CSMD1: variants seen among roughly 807,000 people sequenced by gnomAD.
CSMD1 encodes the protein CUB and Sushi multiple domains 1, also known as CUB and sushi domain-containing protein 1.
In CSMD1, 213 loss-of-function variants were observed where a neutral mutation model predicts 417.5. That is an observed-to-expected ratio of 0.51 (90% CI 0.46 to 0.57). The LOEUF (loss-of-function observed/expected upper bound fraction) is 0.57. Among genes scored for constraint, CSMD1 ranks in the 20% least tolerant of loss-of-function variants. CSMD1 has a pLI of 0.00. For missense variants in CSMD1, 6,923 were observed against 4,529.7 expected, an observed-to-expected ratio of 1.53 and a Z score of -15.17; for synonymous variants, 2,862 against 1,736.8, an observed-to-expected ratio of 1.65 and a Z score of -16.11.
At chr8:3,222,479 T>A (rs1798273808) in intron 28 of CSMD1, among the ~76,000 whole-genome samples, 1 of 152,028 alleles carries the variant, frequency 6.6e-6, no homozygotes, top group East Asian at 1.9e-4. Flanking sequence ...CAAGCCAATT[T>A]TTAAAATTTT....
At chr8:3,880,472 G>A (rs983441584) in intron 5 of CSMD1, among the ~76,000 whole-genome samples, 3 of 152,096 alleles carry the variant, frequency 2.0e-5, no homozygotes, top group East Asian at 1.9e-4. Flanking sequence ...ATATCTCGCT[G>A]CTTCACTTTA....
chr8:3,150,917 A>C (rs1819155871), intron 40 of CSMD1, among the ~76,000 whole-genome samples: 1 of 152,230 alleles, frequency 6.6e-6, no homozygotes, highest in Non-Finnish European at 1.5e-5. Flanking sequence ...ATATTAAAAA[A>C]ACAACTTATT....
At chr8:3,136,716 G>C (rs1042323663) in intron 41 of CSMD1, among the ~76,000 whole-genome samples, 1 of 152,132 alleles carries the variant, frequency 6.6e-6, no homozygotes. Context: ...CAGTGCCTGA[G>C]GTAATCCTTG....
At chr8:3,209,291 GTTTA>G (rs34211015) in intron 30 of CSMD1, among the ~76,000 whole-genome samples, 121,068 of 150,084 alleles carry the variant, frequency 0.81, 48,968 homozygotes, top group African/African-American at 0.85. Flanking sequence ...TTGTTTGTTT[GTTTA>G]TTTATTTATT....
intron 1 of CSMD1, among the ~76,000 whole-genome samples, chr8:4,808,346 A>G (rs182491416): frequency 1.8e-4 from 28 of 152,318 alleles, no homozygotes; most frequent in African/African-American, 6.3e-4. Flanking sequence ...CCTTCCTGCG[A>G]CAATCATTGG....
At chr8:3,396,546 G>A (rs1257385306) in intron 16 of CSMD1, among the ~76,000 whole-genome samples, 165 bp from the exon 17 acceptor site, 1 of 152,154 alleles carries the variant, frequency 6.6e-6, no homozygotes, top group African/African-American at 2.4e-5. Flanking sequence ...AGGATAGTAT[G>A]TTCTTTTCTT....
intron 30 of CSMD1, 120 bp downstream of exon 30, chr8:3,214,377 T>A: frequency 2.4e-6 from 2 of 831,736 alleles, no homozygotes; most frequent in Non-Finnish European, 3.7e-6. Context: ...ACTAGCTCTC[T>A]AAGCAATCCT....
At chr8:4,534,892 A>G (rs993971551) in intron 2 of CSMD1, among the ~76,000 whole-genome samples, 1 of 151,884 alleles carries the variant, frequency 6.6e-6, no homozygotes, top group African/African-American at 2.4e-5. Flanking sequence ...CCTCCCAAGT[A>G]GCTGGGACTA....
At chr8:4,595,199 G>A (rs1585304807) in intron 2 of CSMD1, among the ~76,000 whole-genome samples, 1 of 152,022 alleles carries the variant, frequency 6.6e-6, no homozygotes, top group South Asian at 2.1e-4. Flanking sequence ...ATCCTAAAAT[G>A]TAGACACGTA....
At chr8:3,870,699 T>C (rs1269956819) in intron 5 of CSMD1, among the ~76,000 whole-genome samples, 3 of 152,166 alleles carry the variant, frequency 2.0e-5, no homozygotes, top group African/African-American at 7.2e-5. Context: ...TATTATCTGA[T>C]TTATATTCAT....
At chr8:3,671,905 G>C (rs543078706) in intron 7 of CSMD1, among the ~76,000 whole-genome samples, 1 of 152,066 alleles carries the variant, frequency 6.6e-6, no homozygotes, top group African/African-American at 2.4e-5. Context: ...CATTTCCTCT[G>C]TCCTGTGTCG....
At chr8:4,641,506 C>T (rs1803186019) in intron 1 of CSMD1, among the ~76,000 whole-genome samples, 1 of 152,122 alleles carries the variant, frequency 6.6e-6, no homozygotes, top group African/African-American at 2.4e-5. Context: ...CACATATACT[C>T]TTTGTTGACC....
rs1811645384 is a variant in CSMD1 at position 4,994,386 on chromosome 8, G to A, written c.31C>T (p.Leu11Phe). The A allele has an allele frequency of 1.2e-6, 2 of 1,612,354 alleles. No individual in the cohort carries two copies. Among genetic ancestry groups the A allele is most frequent in the South Asian group, 1.1e-5 (1 of 91,086 alleles). The change falls in exon 1 of 70, where the codon CTC becomes TTC. Residue 11 changes from leucine (L) to phenylalanine (F), a missense_variant. Coordinates refer to ENST00000635120, the MANE Select transcript of CSMD1 (RefSeq NM_033225.6). ...AGCACCAGCAGCCCGAGAAGCAGGA[G>A]CAGCGACTGGAATCTCCTCCACGCA... Reference protein sequence around the residue: MTAWRRFQSLLLLLGLLVLCA... With the variant: MTAWRRFQSLFLLLGLLVLCA...
At chr8:4,165,834 T>C (rs1162790267) in intron 3 of CSMD1, among the ~76,000 whole-genome samples, 1 of 152,252 alleles carries the variant, frequency 6.6e-6, no homozygotes, top group African/African-American at 2.4e-5. Flanking sequence ...GTTGCAAAAC[T>C]AATTGCGTTT....
At chr8:3,695,368 T>A (rs1014748087) in intron 7 of CSMD1, among the ~76,000 whole-genome samples, 12 of 150,174 alleles carry the variant, frequency 8.0e-5, no homozygotes, top group African/African-American at 1.2e-4. Context: ...CAAAAAAAAA[T>A]AATGACTCAA....
At chr8:3,352,216 G>A (rs1241919087) in intron 21 of CSMD1, among the ~76,000 whole-genome samples, 2 of 152,114 alleles carry the variant, frequency 1.3e-5, no homozygotes, top group African/African-American at 4.8e-5. Flanking sequence ...ATGTTTTTAT[G>A]ATTTTATCAA....
At chr8:4,473,067 G>A (rs1462608110) in intron 2 of CSMD1, among the ~76,000 whole-genome samples, 1 of 151,940 alleles carries the variant, frequency 6.6e-6, no homozygotes, top group East Asian at 1.9e-4. Flanking sequence ...GATATTTTAG[G>A]ATATGGGCCT....
chr8:4,556,632 A>G (rs1016562169), intron 2 of CSMD1, among the ~76,000 whole-genome samples: 5 of 152,348 alleles, frequency 3.3e-5, no homozygotes, highest in East Asian at 1.9e-4. Context: ...TTTTTCCCAT[A>G]AAGTGTTTAA....
At chr8:4,073,795 T>G (rs1311761588) in intron 3 of CSMD1, among the ~76,000 whole-genome samples, 1 of 152,128 alleles carries the variant, frequency 6.6e-6, no homozygotes, top group Non-Finnish European at 1.5e-5. Flanking sequence ...TTTGCTAAAT[T>G]ATTTACCTCA....
Sources: gnomAD v4.1 joint callset for allele counts (sites outside exome capture counted in the v4.1 genomes callset) on GRCh38, gnomAD v4.1.1 for gene constraint, MANE v1.5 for transcripts, NCBI Gene and HGNC (gene_info 2026-07-23, HGNC 2026-07-21) for gene names.